The following SKAP1 variants were observed in gnomAD, a reference collection of about 807,000 sequenced individuals.
SKAP1 encodes src kinase-associated phosphoprotein 1.
In SKAP1, 44 loss-of-function variants were observed where a neutral mutation model predicts 58.5. That is an observed-to-expected ratio of 0.75 (90% CI 0.59 to 0.97). The LOEUF (loss-of-function observed/expected upper bound fraction) is 0.97, where lower values mean the gene tolerates loss of function less well. Among genes scored for constraint, SKAP1 ranks in the 50% least tolerant of loss-of-function variants. SKAP1 has a pLI of 0.00. For missense variants in SKAP1, 390 were observed against 435.2 expected, an observed-to-expected ratio of 0.90 and a Z score of 0.92; for synonymous variants, 127 against 149.7, an observed-to-expected ratio of 0.85 and a Z score of 1.11.
intron 2 of SKAP1, among the ~76,000 whole-genome samples, chr17:48,383,927 T>C (rs2067247556): frequency 1.3e-5 from 2 of 151,954 alleles, no homozygotes; most frequent in South Asian, 4.1e-4. Flanking sequence ...GGTTTCACTA[T>C]GTTGGCCAGG....
intron 4 of SKAP1, among the ~76,000 whole-genome samples, chr17:48,335,832 TAAG>T (rs1384160867): frequency 1.3e-5 from 2 of 152,098 alleles, no homozygotes; most frequent in Non-Finnish European, 2.9e-5. Context: ...TGTGTAATAA[TAAG>T]AACATATGAA....
chr17:48,369,146 A>AAATAAATAAATAAAT (rs2067050663), intron 2 of SKAP1, among the ~76,000 whole-genome samples: 1 of 146,674 alleles, frequency 6.8e-6, no homozygotes, highest in South Asian at 2.2e-4. Context: ...ACTCCATCTC[A>AAATAAATAAATAAAT]AAATAAATAA....
intron 4 of SKAP1, among the ~76,000 whole-genome samples, chr17:48,266,992 A>C (rs910671224): frequency 1.3e-5 from 2 of 152,228 alleles, no homozygotes; most frequent in African/African-American, 4.8e-5. Context: ...TGCTTGAAGG[A>C]AAGCCCTCAT....
At chr17:48,309,398 C>T (rs1356154593) in intron 4 of SKAP1, among the ~76,000 whole-genome samples, 2 of 151,944 alleles carry the variant, frequency 1.3e-5, no homozygotes, top group African/African-American at 2.4e-5. Flanking sequence ...TTTTGAATTC[C>T]CCAGTAAGCA....
chr17:48,368,137 T>C (rs1293117810), intron 2 of SKAP1, among the ~76,000 whole-genome samples: 2 of 152,136 alleles, frequency 1.3e-5, no homozygotes, highest in African/African-American at 4.8e-5. Context: ...AAAGAACACT[T>C]CTAAAAGGAA....
chr17:48,157,800 A>G (rs1259167182), intron 11 of SKAP1, among the ~76,000 whole-genome samples: 1 of 143,600 alleles, frequency 7.0e-6, no homozygotes, highest in South Asian at 2.5e-4. Flanking sequence ...AAGTGTTGGG[A>G]TTACAGGCAT....
chr17:48,293,108 T>C (rs2065919048), intron 4 of SKAP1, among the ~76,000 whole-genome samples: 2 of 152,164 alleles, frequency 1.3e-5, no homozygotes, highest in African/African-American at 4.8e-5. Context: ...ATCTATGTAG[T>C]TTTCAATATA....
intron 4 of SKAP1, chr17:48,308,319 T>C (rs2066176596): frequency 6.6e-6 from 1 of 152,190 alleles, no homozygotes; most frequent in Admixed American, 6.5e-5. Flanking sequence ...TTGTTGTCAA[T>C]GAACATAGTC....
chr17:48,409,848 C>T (rs2144577677), intron 1 of SKAP1, among the ~76,000 whole-genome samples: 1 of 152,220 alleles, frequency 6.6e-6, no homozygotes, highest in South Asian at 2.1e-4. Context: ...AACTTTAAAA[C>T]ACAGAGTGAG....
chr17:48,307,870 A>G (rs1356854454), intron 4 of SKAP1: 1 of 152,194 alleles, frequency 6.6e-6, no homozygotes, highest in Non-Finnish European at 1.5e-5. Flanking sequence ...TTCTATTTAT[A>G]TCCCTTACCA....
At chr17:48,416,110 G>A (rs1053231098) in intron 1 of SKAP1, among the ~76,000 whole-genome samples, 1 of 152,122 alleles carries the variant, frequency 6.6e-6, no homozygotes, top group African/African-American at 2.4e-5. Flanking sequence ...AAATATCTAA[G>A]TGAACATTGG....
At chr17:48,216,874 C>A (rs882380) in intron 4 of SKAP1, among the ~76,000 whole-genome samples, 80,605 of 151,876 alleles carry the variant, frequency 0.53, 23,150 homozygotes, top group East Asian at 0.77. Flanking sequence ...GACAGATTGG[C>A]AAATATTATA....
At chr17:48,411,398 C>CAAATAAATAAAT (rs55868728) in intron 1 of SKAP1, among the ~76,000 whole-genome samples, 1,661 of 147,284 alleles carry the variant, frequency 0.011, 20 homozygotes, top group East Asian at 0.059. Flanking sequence ...GATTCCATCT[C>CAAATAAATAAAT]AAATAAATAA....
chr17:48,259,598 G>A (rs1448312817), intron 4 of SKAP1, among the ~76,000 whole-genome samples: 1 of 152,106 alleles, frequency 6.6e-6, no homozygotes, highest in Non-Finnish European at 1.5e-5. Flanking sequence ...TATGAATAAA[G>A]CATTTAGGAA....
At chr17:48,178,922 C>T (rs971535317) in intron 9 of SKAP1, among the ~76,000 whole-genome samples, 2 of 152,122 alleles carry the variant, frequency 1.3e-5, no homozygotes, top group African/African-American at 4.8e-5. Context: ...GGGTGAAGTC[C>T]CCAGCAGGGC....
the SKAP1 span, among the ~76,000 whole-genome samples, chr17:48,442,078 C>G: frequency 6.6e-6 from 1 of 152,166 alleles, no homozygotes; most frequent in Non-Finnish European, 1.5e-5. Flanking sequence ...GGAACATGCA[C>G]TGAAGTTCCT....
At chr17:48,186,454 TTTTATTTATTTATTTATTTA>T (rs58026898) in intron 6 of SKAP1, among the ~76,000 whole-genome samples, 15 of 148,472 alleles carry the variant, frequency 1.0e-4, no homozygotes, top group African/African-American at 3.3e-4. Context: ...AAGCTGCAGT[TTTTATTTATTTATTTATTTA>T]TTTATTTATT....
rs185966263 is a variant in SKAP1 at position 48,281,493 on chromosome 17, G to A, written c.280+64412C>T. ...TCGCACATCAAATGCTGCTCATTTA[G>A]GCTGGCAGGCAGAGGCAGCGTGCTT... is the stretch of plus-strand genomic sequence containing the variant. On this transcript the variant is annotated intron_variant, in intron 4 of 12. Coordinates refer to ENST00000336915, the MANE Select transcript of SKAP1 (RefSeq NM_003726.4). Among the ~76,000 whole-genome samples, 4 of 152,314 alleles carry A rather than the reference G, an allele frequency of 2.6e-5. No homozygotes were observed. The East Asian group carries it at 7.7e-4, about 29-fold the overall frequency.
At chr17:48,289,897 T>C (rs2065879013) in intron 4 of SKAP1, among the ~76,000 whole-genome samples, 2 of 152,152 alleles carry the variant, frequency 1.3e-5, no homozygotes, top group African/African-American at 2.4e-5. Flanking sequence ...ACATGTACCA[T>C]GTTTCACCTA....
Sources: allele counts gnomAD v4.1 joint callset (sites outside exome capture counted in the v4.1 genomes callset), GRCh38; gene constraint gnomAD v4.1.1; transcripts MANE v1.5; gene names NCBI Gene and HGNC (gene_info 2026-07-23, HGNC 2026-07-21).